The following ZNF423 variants were observed in gnomAD, a reference collection of about 807,000 sequenced individuals.
ZNF423 encodes the protein zinc finger protein 423.
A neutral mutation model predicts 95.8 loss-of-function variants in ZNF423; 12 were observed. The observed-to-expected ratio is 0.13, with a 90% CI of 0.08 to 0.20. ZNF423 has a LOEUF of 0.20. Among genes scored for constraint, ZNF423 ranks in the 10% least tolerant of loss-of-function variants. The pLI, the probability that ZNF423 is intolerant of heterozygous loss-of-function variation, is 1.00. For missense variants in ZNF423, 1,316 were observed against 1,737.1 expected, an observed-to-expected ratio of 0.76 and a Z score of 4.31; for synonymous variants, 749 against 711.9, an observed-to-expected ratio of 1.05 and a Z score of -0.83.
At chr16:49,782,842 C>A (rs748063404) in intron 2 of ZNF423, among the ~76,000 whole-genome samples, 1 of 151,854 alleles carries the variant, frequency 6.6e-6, no homozygotes, top group Non-Finnish European at 1.5e-5. Flanking sequence ...ACCCACTTCA[C>A]GCTAAGCATG....
At chr16:49,695,056 T>A (rs2151949381) in intron 3 of ZNF423, among the ~76,000 whole-genome samples, 1 of 152,198 alleles carries the variant, frequency 6.6e-6, no homozygotes, top group East Asian at 1.9e-4. Flanking sequence ...GGGCTTCCAT[T>A]CCCCAGTTCT....
intron 3 of ZNF423, among the ~76,000 whole-genome samples, chr16:49,654,088 G>A (rs1351296116): frequency 1.3e-5 from 2 of 152,166 alleles, no homozygotes; most frequent in African/African-American, 2.4e-5. Context: ...TAGAGAGGGC[G>A]AGGGCCCTGA....
At chr16:49,654,119 A>G (rs1973514232) in intron 3 of ZNF423, among the ~76,000 whole-genome samples, 1 of 152,222 alleles carries the variant, frequency 6.6e-6, no homozygotes, top group Admixed American at 6.5e-5. Context: ...AATTAAGTAG[A>G]AGGAGCTTGG....
chr16:49,717,439 G>A (rs145055251), intron 3 of ZNF423, among the ~76,000 whole-genome samples: 45 of 152,234 alleles, frequency 3.0e-4, no homozygotes, highest in African/African-American at 9.9e-4. Context: ...CTGCTTCTGC[G>A]GCCAGCATCC....
At chr16:49,851,597 A>G (rs2035302541) in intron 1 of ZNF423, among the ~76,000 whole-genome samples, 2 of 152,138 alleles carry the variant, frequency 1.3e-5, no homozygotes, top group East Asian at 3.8e-4. Flanking sequence ...CTCTGTTAAC[A>G]CACTGTAGCA....
chr16:49,591,279 G>C (rs1479235707), intron 5 of ZNF423, among the ~76,000 whole-genome samples: 1 of 151,876 alleles, frequency 6.6e-6, no homozygotes, highest in African/African-American at 2.4e-5. Context: ...GCAAACAAGT[G>C]TGCAAAAACA....
At chr16:49,687,418 A>C (rs2031607400) in intron 3 of ZNF423, among the ~76,000 whole-genome samples, 1 of 152,140 alleles carries the variant, frequency 6.6e-6, no homozygotes, top group Non-Finnish European at 1.5e-5. Flanking sequence ...GCCTCTCCCC[A>C]CACACGGGTG....
chr16:49,789,445 C>A (rs1213130833), intron 2 of ZNF423, 42 bp downstream of exon 2: 4 of 1,593,510 alleles, frequency 2.5e-6, no homozygotes, highest in Non-Finnish European at 3.4e-6. Flanking sequence ...GGCCAGCCCC[C>A]AGGACCCCCT....
At chr16:49,624,134 A>G (rs1284287803) in intron 5 of ZNF423, among the ~76,000 whole-genome samples, 1 of 152,052 alleles carries the variant, frequency 6.6e-6, no homozygotes. Flanking sequence ...TTTTATATAC[A>G]TATTTACACA....
chr16:49,695,077 G>A (rs1005670751), intron 3 of ZNF423, among the ~76,000 whole-genome samples: 1 of 152,116 alleles, frequency 6.6e-6, no homozygotes, highest in Non-Finnish European at 1.5e-5. Context: ...GCACCGAGCA[G>A]CTCAGGCGAA....
chr16:49,774,302 C>T (rs903358843), intron 2 of ZNF423, among the ~76,000 whole-genome samples: 4 of 152,134 alleles, frequency 2.6e-5, no homozygotes, highest in Non-Finnish European at 5.9e-5. Context: ...CCCAGGGCCC[C>T]CAGAGGACAG....
rs761914426 is a variant in ZNF423, at chr16:49,730,903, T to C, written c.169A>G (p.Thr57Ala). Residue 57 changes from threonine to alanine, a missense_variant, in exon 3 of 8, where the codon ACA becomes GCA. Thr to Ala is a moderately conservative substitution (Grantham distance 58). This residue lies in a region of ZNF423 where 155 missense variants were observed against 170.8 expected (regional missense o/e 0.91). Transcript: ENST00000563137. The part of the protein sequence containing the change: ...SRALEDRNSV[T>A]SQEERNEDDE... ...TCCTCATTTCTCTCCTCTTGACTTG[T>C]CACGCTGTTCCTGTCTTCCAGCGCA... 1.2e-6 allele frequency: 2 copies of C among 1,614,242 alleles called. No individual in the cohort carries two copies. The highest frequency in any genetic ancestry group is 1.7e-6 in the Non-Finnish European group (2 of 1,180,040).
intron 5 of ZNF423, among the ~76,000 whole-genome samples, chr16:49,617,498 G>A (rs560931161): frequency 1.7e-3 from 264 of 152,330 alleles, no homozygotes; most frequent in African/African-American, 6.1e-3. Flanking sequence ...AGCAAGAAGA[G>A]AAGAACATGC....
At position 49,793,035 on chromosome 16, in the gene ZNF423, T is replaced by A. The variant is rs1046648360; in HGVS notation, c.41-3489A>T. On this transcript the variant is annotated intron_variant, in intron 1 of 7. Transcript: ENST00000563137. ...TCTCCACCTCAGCCTCCCAAAGCAC[T>A]GGGGTTACAGGCATGAGCCACCACG... 2.0e-5 allele frequency among the ~76,000 whole-genome samples: 3 copies of A among 152,272 alleles called. No homozygotes were observed. In the East Asian group the frequency reaches 5.8e-4, roughly 29 times the overall value.
At chr16:49,781,802 C>T (rs769390740) in intron 2 of ZNF423, among the ~76,000 whole-genome samples, 20 of 152,194 alleles carry the variant, frequency 1.3e-4, no homozygotes, top group Non-Finnish European at 2.5e-4. Flanking sequence ...CAACTTTTAC[C>T]CAGAACCAGG....
intron 3 of ZNF423, among the ~76,000 whole-genome samples, chr16:49,715,324 T>C (rs1391968988): frequency 6.6e-6 from 1 of 151,782 alleles, no homozygotes; most frequent in Non-Finnish European, 1.5e-5. Context: ...GCTGAGGAGG[T>C]GACCTTGGAG....
intron 1 of ZNF423, among the ~76,000 whole-genome samples, chr16:49,792,018 A>AGAAAG (rs761702917): frequency 5.8e-5 from 8 of 138,306 alleles, no homozygotes; most frequent in South Asian, 4.7e-4. Context: ...AAAAAAAAAA[A>AGAAAG]AAAGAAAGAA....
intron 7 of ZNF423, among the ~76,000 whole-genome samples, chr16:49,522,634 A>G (rs541956851): frequency 2.0e-4 from 30 of 152,090 alleles, no homozygotes; most frequent in African/African-American, 6.3e-4. Context: ...TATGTGTGAT[A>G]TATCTGTGGA....
At chr16:49,730,531 C>CG (rs1263277618) in intron 3 of ZNF423, 5 of 557,976 alleles carry the variant, frequency 9.0e-6, no homozygotes, top group Non-Finnish European at 1.6e-5. Context: ...GCACAGCTTG[C>CG]GGGGAGAGGG....
Sources: gnomAD v4.1 joint callset for allele counts (sites outside exome capture counted in the v4.1 genomes callset) on GRCh38, gnomAD v4.1.1 for gene constraint, gnomAD v4.1.1 regional missense constraint, MANE v1.5 for transcripts, NCBI Gene and HGNC (gene_info 2026-07-23, HGNC 2026-07-21) for gene names.